The following CUL5 variants were observed in gnomAD, a reference collection of about 807,000 sequenced individuals.
CUL5 encodes cullin 5, also known as cullin-5.
CUL5 carries 26 observed loss-of-function variants against 108.8 expected under a neutral mutation model. The observed-to-expected ratio is 0.24, with a 90% CI of 0.18 to 0.33. CUL5 has a LOEUF of 0.33. CUL5 is among the 10% of genes least tolerant of loss of function. The pLI is 1.00. For missense variants in CUL5, 524 were observed against 909.2 expected (o/e 0.58, Z 5.45); for synonymous variants, 334 against 298.0 (o/e 1.12, Z -1.25).
Position 108,065,561 on chromosome 11 carries a change from C to A in CUL5, c.781-4535C>A, listed in dbSNP as rs375857435. Among the ~76,000 whole-genome samples the A allele has an allele frequency of 5.3e-5, 8 of 152,248 alleles. 1 individual carries two copies. In the East Asian group the frequency reaches 1.2e-3, roughly 22 times the overall value. On this transcript the variant is annotated intron_variant, in intron 7 of 18. Coordinates refer to ENST00000393094, the MANE Select transcript of CUL5 (RefSeq NM_003478.6). ...GTCAGCTGAGTTCATCCTACTTTTGCTTTCTGCTGTGAAAGGGTGGTGGTG... is the reference window on the plus strand; with the variant it reads ...GTCAGCTGAGTTCATCCTACTTTTGATTTCTGCTGTGAAAGGGTGGTGGTG...
chr11:108,074,602 C>G (rs1025472906), intron 10 of CUL5, among the ~76,000 whole-genome samples: 4 of 151,750 alleles, frequency 2.6e-5, no homozygotes, highest in Non-Finnish European at 5.9e-5. Context: ...GTCGGGAGTT[C>G]GAGATCAGCC....
intron 11 of CUL5, among the ~76,000 whole-genome samples, chr11:108,078,746 T>C (rs1374300502): frequency 6.6e-6 from 1 of 152,174 alleles, no homozygotes; most frequent in Non-Finnish European, 1.5e-5. Flanking sequence ...AAAAAGTCTT[T>C]TGATGTGCTT....
chr11:108,038,861 A>C (rs1045834339), intron 2 of CUL5, among the ~76,000 whole-genome samples: 2 of 152,126 alleles, frequency 1.3e-5, no homozygotes, highest in East Asian at 3.9e-4. Context: ...TTAGTTACTA[A>C]ATAATGTATT....
chr11:108,053,490 C>T (rs1306410482), intron 5 of CUL5, among the ~76,000 whole-genome samples: 1 of 152,142 alleles, frequency 6.6e-6, no homozygotes, highest in African/African-American at 2.4e-5. Context: ...TTTTCATTAG[C>T]AGTGCTCCTG....
chr11:108,097,409 TTTC>T (rs749378239), intron 16 of CUL5, among the ~76,000 whole-genome samples: 1 of 152,196 alleles, frequency 6.6e-6, no homozygotes, highest in Non-Finnish European at 1.5e-5. Context: ...CCAATCCCAG[TTTC>T]TTGTCTTACT....
intron 2 of CUL5, among the ~76,000 whole-genome samples, chr11:108,045,818 C>T (rs1044344024): frequency 1.3e-4 from 20 of 152,150 alleles, no homozygotes; most frequent in Admixed American, 2.6e-4. Context: ...CGTGATTGTG[C>T]CAGTGCACAC....
intron 11 of CUL5, among the ~76,000 whole-genome samples, chr11:108,087,186 A>G (rs1864239726): frequency 6.6e-6 from 1 of 152,188 alleles, no homozygotes; most frequent in Non-Finnish European, 1.5e-5. Flanking sequence ...AAAGACATAC[A>G]TTTATACAAA....
chr11:108,097,677 G>A lies in CUL5; in HGVS notation c.1947G>A (p.Leu649=), dbSNP rs757327709. The change falls in exon 17 of 19, where the codon TTG becomes TTA. Residue 649 remains leucine, a synonymous_variant. Transcript: ENST00000393094. ...AFPKLKRQVL[L]YEPQVNSPKD... ...CAAAACTCAAACGGCAAGTTTTGTTGTATGAACCTCAAGTCAACTCACCCA... is the reference window on the plus strand; with the variant it reads ...CAAAACTCAAACGGCAAGTTTTGTTATATGAACCTCAAGTCAACTCACCCA... The A allele has an allele frequency of 6.2e-7, 1 of 1,613,600 alleles. No individual in the cohort carries two copies. The highest frequency in any genetic ancestry group is 8.5e-7 in the Non-Finnish European group (1 of 1,179,720).
chr11:108,020,286 G>A (rs1024337987), intron 1 of CUL5, among the ~76,000 whole-genome samples: 1 of 152,052 alleles, frequency 6.6e-6, no homozygotes, highest in Non-Finnish European at 1.5e-5. Flanking sequence ...CCAGAAGAAG[G>A]CGTTGTTACC....
chr11:108,038,040 G>A (rs1280085814), intron 2 of CUL5, among the ~76,000 whole-genome samples: 1 of 152,120 alleles, frequency 6.6e-6, no homozygotes, highest in Non-Finnish European at 1.5e-5. Flanking sequence ...AAATGATGTA[G>A]GACCTTGCTG....
chr11:108,029,917 A>G (rs556365098), intron 1 of CUL5, among the ~76,000 whole-genome samples: 34 of 152,180 alleles, frequency 2.2e-4, no homozygotes, highest in Non-Finnish European at 4.1e-4. Flanking sequence ...ATTTAATTTT[A>G]TAAATTAGCA....
At chr11:108,036,113 G>T (rs1351914175) in intron 2 of CUL5, among the ~76,000 whole-genome samples, 1 of 152,178 alleles carries the variant, frequency 6.6e-6, no homozygotes, top group Admixed American at 6.5e-5. Flanking sequence ...AATTTCACAA[G>T]AATTCAATAG....
Position 108,104,201 on chromosome 11 carries a change from A to T in CUL5, c.2160A>T (p.Ile720=). 6.4e-7 allele frequency: 1 copy of T among 1,568,412 alleles called. No individual in the cohort carries two copies. Among genetic ancestry groups the T allele is most frequent in the South Asian group, 1.2e-5 (1 of 83,930 alleles). ...ATTTTTTCTTTTAGGAAGCTATCAT[A>T]CAAATAATGAAAATGAGAAAGAAAA... is the stretch of plus-strand genomic sequence containing the variant. ...LRILRTQEAI[I]QIMKMRKKIS... is the part of the protein sequence containing the mutation. The change falls in exon 19 of 19, where the codon ATA becomes ATT. Residue 720 remains isoleucine (I), a synonymous_variant. Transcript: ENST00000393094.
rs975288010 is a variant in CUL5 at position 108,009,203 on chromosome 11, T to G, written c.-146T>G. ...CTGGTGCTTGGGACGAGGTCAGCGC[T>G]GTCGGCGCGCTGCTCCAGCGCCCAC... On this transcript the variant is annotated 5_prime_UTR_variant, in exon 1 of 19. Transcript: ENST00000393094. 9 of 763,966 alleles carry G rather than the reference T, an allele frequency of 1.2e-5. No homozygotes were observed. 47.3% of individuals were successfully genotyped at this position (763,966 alleles called of 1,614,324 possible). A position where few individuals can be genotyped will look rare whatever the true frequency, so the allele number is the denominator to read the frequency against.
At chr11:108,046,138 T>C in intron 2 of CUL5, 132 bp from the exon 3 acceptor site, 1 of 524,804 alleles carries the variant, frequency 1.9e-6, no homozygotes, top group Non-Finnish European at 3.3e-6. Context: ...ACTTGGTTTA[T>C]ATGAGTGAAT....
chr11:108,026,684 G>A (rs1330704919), intron 1 of CUL5, among the ~76,000 whole-genome samples: 1 of 151,994 alleles, frequency 6.6e-6, no homozygotes, highest in East Asian at 1.9e-4. Context: ...CAATCATACT[G>A]TATCCTAGCT....
intron 5 of CUL5, among the ~76,000 whole-genome samples, chr11:108,053,195 G>T (rs994730671): frequency 3.3e-5 from 5 of 152,164 alleles, no homozygotes; most frequent in African/African-American, 1.2e-4. Flanking sequence ...TGTTTCCTGT[G>T]ACTTAGAGTA....
chr11:108,063,464 G>C (rs574108508), intron 7 of CUL5, among the ~76,000 whole-genome samples: 2 of 151,910 alleles, frequency 1.3e-5, no homozygotes, highest in South Asian at 2.1e-4. Context: ...GGACAGTAAG[G>C]TTCCTTCCAA....
intron 1 of CUL5, among the ~76,000 whole-genome samples, chr11:108,030,699 A>G (rs1862559740): frequency 6.6e-6 from 1 of 152,204 alleles, no homozygotes; most frequent in East Asian, 1.9e-4. Context: ...AAGACAGTAT[A>G]TTAACTTTTA....
Sources: gnomAD v4.1 joint callset for allele counts (sites outside exome capture counted in the v4.1 genomes callset) on GRCh38, gnomAD v4.1.1 for gene constraint, MANE v1.5 for transcripts, NCBI Gene and HGNC (gene_info 2026-07-23, HGNC 2026-07-21) for gene names.